PAPPA: variants seen among roughly 807,000 people sequenced by gnomAD.
PAPPA encodes pappalysin 1.
A neutral mutation model predicts 164.0 loss-of-function variants in PAPPA; 60 were observed. That is an observed-to-expected ratio of 0.37 (90% CI 0.30 to 0.45). The LOEUF (loss-of-function observed/expected upper bound fraction) is 0.45. Ranked by LOEUF, PAPPA falls within the 20% of genes least tolerant of loss-of-function variation. The pLI is 1.00. For synonymous variants in PAPPA, 875 were observed against 814.1 expected, an observed-to-expected ratio of 1.07 and a Z score of -1.27; for missense variants, 1,782 against 2,087.3, an observed-to-expected ratio of 0.85 and a Z score of 2.85.
chr9:116,204,480 TCATAGCTCACTG>T (rs1224761946), intron 2 of PAPPA, among the ~76,000 whole-genome samples: 1 of 152,164 alleles, frequency 6.6e-6, no homozygotes, highest in Non-Finnish European at 1.5e-5. Context: ...AGTGGTACAA[TCATAGCTCACTG>T]CAGCCTTGAA....
intron 10 of PAPPA, among the ~76,000 whole-genome samples, chr9:116,319,374 G>T (rs1034265077): frequency 3.3e-5 from 5 of 152,214 alleles, no homozygotes; most frequent in African/African-American, 1.2e-4. Context: ...TCGGCCCAAT[G>T]CCTGGCTGTA....
At chr9:116,221,151 G>A (rs1350354354) in intron 5 of PAPPA, among the ~76,000 whole-genome samples, 1 of 152,108 alleles carries the variant, frequency 6.6e-6, no homozygotes, top group Non-Finnish European at 1.5e-5. Context: ...TGGCTTGAAG[G>A]TGGAGACCTG....
chr9:116,362,418 A>G (rs1419992902), intron 17 of PAPPA, among the ~76,000 whole-genome samples, 174 bp from the exon 18 acceptor site: 2 of 152,252 alleles, frequency 1.3e-5, no homozygotes, highest in Non-Finnish European at 1.5e-5. Context: ...AAATGGAGAC[A>G]CTAACAATAC....
At chr9:116,250,714 G>C (rs952085817) in intron 7 of PAPPA, among the ~76,000 whole-genome samples, 4 of 152,214 alleles carry the variant, frequency 2.6e-5, no homozygotes, top group Non-Finnish European at 5.9e-5. Context: ...TCTATGCCAG[G>C]ACTGACACTT....
chr9:116,267,167 G>GAACAGAAAGAC (rs1351248983), intron 8 of PAPPA, among the ~76,000 whole-genome samples: 1 of 152,214 alleles, frequency 6.6e-6, no homozygotes, highest in Admixed American at 6.5e-5. Flanking sequence ...CACATTAGAT[G>GAACAGAAAGAC]ACTCTTTCTT....
chr9:116,238,704 G>A (rs1420438632), intron 7 of PAPPA, among the ~76,000 whole-genome samples: 2 of 152,168 alleles, frequency 1.3e-5, no homozygotes, highest in African/African-American at 4.8e-5. Context: ...GCTAGACTGA[G>A]GCTTTCATCG....
chr9:116,266,907 A>T (rs981427564), intron 8 of PAPPA, among the ~76,000 whole-genome samples: 1 of 152,232 alleles, frequency 6.6e-6, no homozygotes, highest in Non-Finnish European at 1.5e-5. Context: ...TTGCTAAGAG[A>T]CTTTTTAAAC....
At chr9:116,376,932 C>G (rs1022178568) in intron 19 of PAPPA, among the ~76,000 whole-genome samples, 1 of 151,996 alleles carries the variant, frequency 6.6e-6, no homozygotes, top group Admixed American at 6.6e-5. Context: ...TCATAATAGC[C>G]CATGTGCTCT....
intron 21 of PAPPA, among the ~76,000 whole-genome samples, chr9:116,390,504 G>C (rs112010506): frequency 3.3e-5 from 5 of 152,206 alleles, no homozygotes; most frequent in Admixed American, 1.3e-4. Flanking sequence ...AGGCCAGTGG[G>C]GGGTATTCAG....
At chr9:116,371,053 C>A (rs1846566300) in intron 19 of PAPPA, among the ~76,000 whole-genome samples, 1 of 152,162 alleles carries the variant, frequency 6.6e-6, no homozygotes, top group African/African-American at 2.4e-5. Flanking sequence ...GAGTCACAAA[C>A]TGAAATGCCA....
chr9:116,323,626 G>A (rs1845886877), intron 10 of PAPPA, among the ~76,000 whole-genome samples: 1 of 152,198 alleles, frequency 6.6e-6, no homozygotes, highest in Admixed American at 6.5e-5. Context: ...TGTTCTGATT[G>A]TCTTTGCCCA....
chr9:116,198,737 C>T (rs1289546230), intron 2 of PAPPA, among the ~76,000 whole-genome samples: 1 of 152,122 alleles, frequency 6.6e-6, no homozygotes, highest in Admixed American at 6.5e-5. Context: ...TGCTTTCTGT[C>T]CTAACAATCT....
In PAPPA at chr9:116,399,018, A is replaced by T. The variant is rs1240155755; in HGVS notation, c.*2402A>T. On this transcript the variant is annotated 3_prime_UTR_variant, in exon 22 of 22. Transcript: ENST00000328252. ...TATCAACCCTCCCAGTTGCTTAATTATACCCATAGGTAATACAAAAAGCTC... is the reference window on the plus strand; with the variant it reads ...TATCAACCCTCCCAGTTGCTTAATTTTACCCATAGGTAATACAAAAAGCTC... The T allele has an allele frequency of 4.6e-6, 1 of 218,782 alleles. No individual in the cohort carries two copies. Among genetic ancestry groups the T allele is most frequent in the Admixed American group, 5.5e-5 (1 of 18,204 alleles). The allele number at this position is 218,782 out of a possible 1,614,324, so 13.6% of individuals were successfully genotyped here.
chr9:116,198,993 T>G (rs1366151916), intron 2 of PAPPA, among the ~76,000 whole-genome samples: 1 of 152,202 alleles, frequency 6.6e-6, no homozygotes, highest in Non-Finnish European at 1.5e-5. Flanking sequence ...TCAATGTTTA[T>G]TATTAGGTTG....
chr9:116,163,229 G>C (rs1028631198), intron 1 of PAPPA, among the ~76,000 whole-genome samples: 22 of 152,198 alleles, frequency 1.4e-4, no homozygotes, highest in African/African-American at 4.6e-4. Context: ...ATCCCATAAT[G>C]TCAGGTGAAT....
chr9:116,369,539 T>G (rs1450593828), intron 19 of PAPPA, among the ~76,000 whole-genome samples: 1 of 151,968 alleles, frequency 6.6e-6, no homozygotes, highest in Non-Finnish European at 1.5e-5. Flanking sequence ...AGCAGGTGAG[T>G]TTGACTCACA....
rs545673572 is a variant in PAPPA at position 116,265,857 on chromosome 9, G to T, written c.2733G>T (p.Met911Ile). The stretch of plus-strand genomic sequence containing the variant: ...ATTATGTCTTCTTTGTATTTTCCAG[G>T]GATCTAAATCTTGGCAGTGTGTACC... Reference protein sequence around the residue: ...ILHLNRKFVDMDLNLGSVYQY... With the variant: ...ILHLNRKFVDIDLNLGSVYQY... Residue 911 changes from methionine (M) to isoleucine (I), a missense_variant and splice_region_variant, in exon 8 of 22, where the codon ATG becomes ATT. Transcript: ENST00000328252. The T allele has an allele frequency of 2.5e-5, 40 of 1,590,226 alleles. No homozygotes were observed. The highest frequency in any genetic ancestry group is 5.4e-5 in the African/African-American group (4 of 74,546).
intron 12 of PAPPA, among the ~76,000 whole-genome samples, chr9:116,333,536 G>A (rs2118953417): frequency 1.3e-5 from 2 of 152,298 alleles, no homozygotes; most frequent in South Asian, 4.1e-4. Flanking sequence ...CCTGTATGAA[G>A]CAAGCCAGGC....
intron 13 of PAPPA, among the ~76,000 whole-genome samples, chr9:116,342,926 T>C (rs542505664): frequency 2.0e-5 from 3 of 152,326 alleles, no homozygotes; most frequent in Admixed American, 6.5e-5. Context: ...ATCATCACCA[T>C]TGGTTTCCTG....
Sources: gnomAD v4.1 joint callset for allele counts (sites outside exome capture counted in the v4.1 genomes callset) on GRCh38, gnomAD v4.1.1 for gene constraint, MANE v1.5 for transcripts, NCBI Gene and HGNC (gene_info 2026-07-23, HGNC 2026-07-21) for gene names.